The following SPIDR variants were observed in gnomAD, a reference collection of about 807,000 sequenced individuals.
SPIDR encodes DNA repair-scaffolding protein.
A neutral mutation model predicts 104.6 loss-of-function variants in SPIDR; 93 were observed. That is an observed-to-expected ratio of 0.89 (90% CI 0.75 to 1.06). SPIDR has a LOEUF of 1.06. Among genes scored for constraint, SPIDR ranks in the 50% least tolerant of loss-of-function variants. SPIDR has a pLI of 0.00. For missense variants in SPIDR, 1,154 were observed against 1,111.2 expected (o/e 1.04, Z -0.55); for synonymous variants, 431 against 416.9 (o/e 1.03, Z -0.41).
chr8:47,495,770 G>A (rs997757387), intron 8 of SPIDR, among the ~76,000 whole-genome samples: 4 of 152,022 alleles, frequency 2.6e-5, no homozygotes, highest in Non-Finnish European at 4.4e-5. Flanking sequence ...TCCAGTTCTA[G>A]CACCATTTTT....
intron 8 of SPIDR, among the ~76,000 whole-genome samples, chr8:47,501,978 ATCCC>A (rs2080541496): frequency 1.3e-5 from 2 of 152,194 alleles, no homozygotes; most frequent in Admixed American, 1.3e-4. Flanking sequence ...CCAGCCTTGC[ATCCC>A]AGGGATGAAG....
At chr8:47,597,587 A>G (rs1372418996) in intron 9 of SPIDR, among the ~76,000 whole-genome samples, 1 of 152,254 alleles carries the variant, frequency 6.6e-6, no homozygotes. Flanking sequence ...GTATTTGACA[A>G]CGTTCATTTT....
At chr8:47,582,688 A>G (rs1442764495) in intron 8 of SPIDR, among the ~76,000 whole-genome samples, 1 of 152,048 alleles carries the variant, frequency 6.6e-6, no homozygotes, top group Admixed American at 6.6e-5. Context: ...TTGATCATAC[A>G]ATATTCTCTA....
At chr8:47,398,799 G>T (rs1193042376) in intron 6 of SPIDR, among the ~76,000 whole-genome samples, 1 of 152,158 alleles carries the variant, frequency 6.6e-6, no homozygotes, top group Non-Finnish European at 1.5e-5. Flanking sequence ...TGAGTCCTGG[G>T]TGCTCTGCCA....
intron 5 of SPIDR, among the ~76,000 whole-genome samples, chr8:47,344,753 G>T (rs112820486): frequency 0.11 from 16,905 of 152,202 alleles, 1,347 homozygotes; most frequent in African/African-American, 0.23. Flanking sequence ...GTCTGTTGCT[G>T]CATAAGTGTC....
chr8:47,715,396 C>T (rs192305320), intron 16 of SPIDR, among the ~76,000 whole-genome samples: 116 of 152,122 alleles, frequency 7.6e-4, no homozygotes, highest in East Asian at 4.4e-3. Context: ...AGGCTGGTCT[C>T]GAACTCCTGA....
chr8:47,482,583 C>G (rs927171999), intron 8 of SPIDR, among the ~76,000 whole-genome samples: 2 of 152,182 alleles, frequency 1.3e-5, no homozygotes, highest in East Asian at 3.9e-4. Context: ...TTTTCCTCAT[C>G]CTACTACCTA....
chr8:47,449,282 G>A (rs781906204), intron 8 of SPIDR, among the ~76,000 whole-genome samples: 3 of 152,162 alleles, frequency 2.0e-5, no homozygotes, highest in Non-Finnish European at 4.4e-5. Context: ...TGGGAGACTT[G>A]GGATTGATTT....
At chr8:47,399,929 G>T (rs554709252) in intron 6 of SPIDR, among the ~76,000 whole-genome samples, 2 of 152,180 alleles carry the variant, frequency 1.3e-5, no homozygotes, top group Non-Finnish European at 2.9e-5. Context: ...GAGTTGAGCC[G>T]CTGGAGGGAG....
chr8:47,656,010 C>T (rs1165258792), intron 10 of SPIDR, among the ~76,000 whole-genome samples: 1 of 152,020 alleles, frequency 6.6e-6, no homozygotes, highest in Non-Finnish European at 1.5e-5. Flanking sequence ...ACTAGGTATC[C>T]ACATATAAAA....
At chr8:47,456,288 G>A (rs1274268991) in intron 8 of SPIDR, among the ~76,000 whole-genome samples, 7 of 152,058 alleles carry the variant, frequency 4.6e-5, no homozygotes, top group South Asian at 2.1e-4. Flanking sequence ...TGCCATGTGG[G>A]GACACAGTGA....
chr8:47,447,948 A>G (rs2070994721), intron 8 of SPIDR, among the ~76,000 whole-genome samples: 1 of 152,242 alleles, frequency 6.6e-6, no homozygotes, highest in South Asian at 2.1e-4. Flanking sequence ...CTTATAGGCT[A>G]TAATATAGTG....
Position 47,735,766 on chromosome 8 carries a change from T to A in SPIDR, c.*316T>A. 1.9e-6 allele frequency: 1 copy of A among 530,542 alleles called. No individual in the cohort carries two copies. The highest frequency in any genetic ancestry group is 3.3e-6 in the Non-Finnish European group (1 of 303,230). 32.9% of individuals were successfully genotyped at this position (530,542 alleles called of 1,614,324 possible). Reference sequence around the variant, plus strand: ...GAGAAAAAAATTTTTTTTGTTCATTTGTAATTTTAACAAGTTGAACATTTT... The same window carrying A: ...GAGAAAAAAATTTTTTTTGTTCATTAGTAATTTTAACAAGTTGAACATTTT... On this transcript the variant is annotated 3_prime_UTR_variant, in exon 20 of 20. Transcript: ENST00000297423.
At chr8:47,681,073 A>G (rs182243789) in intron 11 of SPIDR, among the ~76,000 whole-genome samples, 1 of 152,152 alleles carries the variant, frequency 6.6e-6, no homozygotes, top group Admixed American at 6.5e-5. Flanking sequence ...AAAAAACAAA[A>G]AGAGAGAGAG....
At chr8:47,714,111 G>A (rs2082246953) in intron 16 of SPIDR, among the ~76,000 whole-genome samples, 1 of 152,076 alleles carries the variant, frequency 6.6e-6, no homozygotes, top group African/African-American at 2.4e-5. Flanking sequence ...ACCAAGCTGA[G>A]GCTGGTGGGC....
intron 10 of SPIDR, chr8:47,659,796 A>G: frequency 1.1e-6 from 1 of 885,290 alleles, no homozygotes; most frequent in Non-Finnish European, 1.4e-6. Flanking sequence ...GCTTCGTAAG[A>G]GATTATAAAG....
At position 47,465,677 on chromosome 8, in the gene SPIDR, G is replaced by A. The variant is rs374755281; in HGVS notation, c.1097+25135G>A. Among the ~76,000 whole-genome samples the A allele has an allele frequency of 2.2e-4, 34 of 152,104 alleles. 1 individual carries two copies. Among genetic ancestry groups the A allele is most frequent in the African/African-American group, 7.2e-4 (30 of 41,506 alleles). On this transcript the variant is annotated intron_variant, in intron 8 of 19. Coordinates refer to ENST00000297423, the MANE Select transcript of SPIDR (RefSeq NM_001080394.4). ...CTTGAACCTGGGAGATGGAGGTTGC[G>A]CTGAGCCAGGATCACACCACTGCAC...
intron 5 of SPIDR, among the ~76,000 whole-genome samples, chr8:47,385,696 CA>C (rs1191198814): frequency 2.0e-5 from 3 of 152,148 alleles, no homozygotes. Flanking sequence ...ATATTTTGCT[CA>C]TTTTTTCCAT....
chr8:47,357,020 A>T (rs2054684173), intron 5 of SPIDR, among the ~76,000 whole-genome samples: 1 of 152,204 alleles, frequency 6.6e-6, no homozygotes, highest in Non-Finnish European at 1.5e-5. Flanking sequence ...ATTACTTGCC[A>T]GGAAGGGGCA....
Sources: allele counts gnomAD v4.1 joint callset (sites outside exome capture counted in the v4.1 genomes callset), GRCh38; gene constraint gnomAD v4.1.1; transcripts MANE v1.5; gene names NCBI Gene and HGNC (gene_info 2026-07-23, HGNC 2026-07-21).